The following STON2 variants were observed in gnomAD, a reference collection of about 807,000 sequenced individuals.
The protein encoded by STON2 is stonin-2.
In STON2, 29 loss-of-function variants were observed where a neutral mutation model predicts 65.7. That is an observed-to-expected ratio of 0.44 (90% confidence interval 0.33 to 0.60). The LOEUF is 0.60. STON2 is among the 20% of genes least tolerant of loss of function. The pLI is 0.03. For synonymous variants in STON2, 404 were observed against 414.2 expected (o/e 0.98, Z 0.30); for missense variants, 1,054 against 1,118.1 (o/e 0.94, Z 0.82).
At chr14:81,306,740 T>C (rs983190446) in intron 5 of STON2, 1 of 152,140 alleles carries the variant, frequency 6.6e-6, no homozygotes, top group Non-Finnish European at 1.5e-5. Flanking sequence ...GGCATTTTCA[T>C]CTCATTGGCT....
At chr14:81,303,932 G>GA (rs1896069391) in intron 5 of STON2, among the ~76,000 whole-genome samples, 1 of 152,266 alleles carries the variant, frequency 6.6e-6, no homozygotes, top group Admixed American at 6.5e-5. Context: ...CCCAGATCAA[G>GA]AAACAATTGC....
chr14:81,267,533 T>TA lies in STON2; in HGVS notation c.*880dup. On this transcript the variant is annotated 3_prime_UTR_variant, in exon 8 of 8. Coordinates refer to ENST00000614646, the MANE Select transcript of STON2 (RefSeq NM_001394390.1). ...TTACAAATGCCTCAGGTATTATGTA[T>TA]ATTTGTTTCAGGAATCAGAAGTGGA... 1 of 985,336 alleles carries TA rather than the reference T, an allele frequency of 1.0e-6. No homozygotes were observed. Among genetic ancestry groups the TA allele is most frequent in the South Asian group, 4.7e-5 (1 of 21,288 alleles). 61.0% of individuals were successfully genotyped at this position (985,336 alleles called of 1,614,324 possible). A position where few individuals can be genotyped will look rare whatever the true frequency, so the allele number is the denominator to read the frequency against.
At chr14:81,303,058 G>T (rs912021276) in intron 5 of STON2, among the ~76,000 whole-genome samples, 71 of 140,094 alleles carry the variant, frequency 5.1e-4, no homozygotes, top group Non-Finnish European at 1.0e-3. Flanking sequence ...CATGTGTGGG[G>T]GGTGTGTGTG....
chr14:81,326,873 G>C (rs1386402389), intron 4 of STON2, among the ~76,000 whole-genome samples: 2 of 152,230 alleles, frequency 1.3e-5, no homozygotes, highest in Non-Finnish European at 2.9e-5. Flanking sequence ...TGGGACCTTA[G>C]ATTGATTTGG....
chr14:81,277,186 T>C lies in STON2; in HGVS notation c.2296A>G (p.Met766Val). The C allele has an allele frequency of 6.2e-7, 1 of 1,614,168 alleles. No individual in the cohort carries two copies. The highest frequency in any genetic ancestry group is 1.1e-5 in the South Asian group (1 of 91,078). Residue 766 changes from methionine to valine, a missense_variant, in exon 6 of 8, where the codon ATG becomes GTG. By Grantham distance (21) the Met-to-Val change is conservative. Coordinates refer to ENST00000614646, the MANE Select transcript of STON2 (RefSeq NM_001394390.1). ...CGATTGGCGGAGAAGCCAGTTGACA[T>C]CCTCAGCCAGCTCTGCACCTCCACC... ...AEVEVQSWLR[M>V]STGFSANRDP...
chr14:81,365,640 C>A (rs1289915052), intron 4 of STON2, among the ~76,000 whole-genome samples: 2 of 152,070 alleles, frequency 1.3e-5, no homozygotes, highest in African/African-American at 4.8e-5. Context: ...CCTGTGGTCC[C>A]AGCTACTCAG....
chr14:81,397,549 A>G lies in STON2; in HGVS notation c.88+746T>C, dbSNP rs115002245. Reference sequence around the variant, plus strand: ...TAACCACATGGCCACCATATTGGAGAGCATACCTGTCGACTCACACTTTCT... The same window carrying G: ...TAACCACATGGCCACCATATTGGAGGGCATACCTGTCGACTCACACTTTCT... On this transcript the variant is annotated intron_variant, in intron 2 of 7. Coordinates refer to ENST00000614646, the MANE Select transcript of STON2 (RefSeq NM_001394390.1). Among the ~76,000 whole-genome samples the G allele has an allele frequency of 2.7e-3, 408 of 152,286 alleles. 2 individuals carry two copies. Among genetic ancestry groups the G allele is most frequent in the African/African-American group, 9.5e-3 (393 of 41,560 alleles).
At chr14:81,342,905 G>A (rs1191395844) in intron 4 of STON2, among the ~76,000 whole-genome samples, 3 of 152,122 alleles carry the variant, frequency 2.0e-5, no homozygotes, top group Non-Finnish European at 4.4e-5. Flanking sequence ...AGAGAAATCC[G>A]CACTGGAAAT....
At chr14:81,405,526 T>G (rs1900815084) in intron 2 of STON2, among the ~76,000 whole-genome samples, 1 of 142,362 alleles carries the variant, frequency 7.0e-6, no homozygotes, top group Non-Finnish European at 1.5e-5. Context: ...CCTAAGGTTT[T>G]TTTTTTTTTT....
intron 4 of STON2, among the ~76,000 whole-genome samples, chr14:81,344,062 C>T (rs2140299417): frequency 6.6e-6 from 1 of 152,184 alleles, no homozygotes; most frequent in East Asian, 1.9e-4. Context: ...ACGGAAAAGA[C>T]AGAAATATTT....
At chr14:81,275,701 T>C (rs1485028837) in intron 6 of STON2, among the ~76,000 whole-genome samples, 1 of 152,168 alleles carries the variant, frequency 6.6e-6, no homozygotes, top group Non-Finnish European at 1.5e-5. Context: ...AATTGTCTCT[T>C]CAGTTTGCAT....
intron 6 of STON2, among the ~76,000 whole-genome samples, chr14:81,274,353 G>A (rs982299960): frequency 5.9e-5 from 9 of 152,074 alleles, no homozygotes; most frequent in Non-Finnish European, 1.0e-4. Context: ...TTCCACAAAC[G>A]AGGTTCCAGC....
chr14:81,413,343 C>T, intron 2 of STON2: 1 of 900,052 alleles, frequency 1.1e-6, no homozygotes, highest in South Asian at 1.9e-5. Context: ...TAAGGGAACA[C>T]CTCGATGTTC....
At chr14:81,361,996 G>A (rs921708990) in intron 4 of STON2, among the ~76,000 whole-genome samples, 5 of 152,062 alleles carry the variant, frequency 3.3e-5, no homozygotes, top group East Asian at 1.9e-4. Flanking sequence ...TATAACTAGC[G>A]TTGGTGAGGA....
In STON2 at chr14:81,324,143, G is replaced by C. The variant is rs2140248690; in HGVS notation, c.616C>G (p.Pro206Ala). Among the ~76,000 whole-genome samples, 1 of 152,274 alleles carries C rather than the reference G, an allele frequency of 6.6e-6. No homozygotes were observed. The highest frequency in any genetic ancestry group is 2.1e-4 in the South Asian group (1 of 4,826). ...WQTGRQTAVS[P>A]VQACSEHTST... ...GTATGCTCCGAGCATGCTTGAACAGGACTCACTGCCGTCTGCCTGCCTGTC... is the reference window on the plus strand; with the variant it reads ...GTATGCTCCGAGCATGCTTGAACAGCACTCACTGCCGTCTGCCTGCCTGTC... The change falls in exon 5 of 8, where the codon CCT (proline) becomes GCT (alanine). Residue 206 changes from proline to alanine, a missense_variant. Physicochemically the swap from Pro to Ala is conservative, Grantham distance 27 (BLOSUM62 -1). Transcript: ENST00000614646.
chr14:81,282,776 C>A (rs1895177005), intron 5 of STON2, among the ~76,000 whole-genome samples: 1 of 152,014 alleles, frequency 6.6e-6, no homozygotes, highest in Admixed American at 6.6e-5. Context: ...AGAAAGGAAA[C>A]AAAGTGCTTA....
intron 5 of STON2, among the ~76,000 whole-genome samples, chr14:81,292,653 C>A (rs1895604030): frequency 6.6e-6 from 1 of 152,166 alleles, no homozygotes; most frequent in Non-Finnish European, 1.5e-5. Flanking sequence ...CCTCCCCAAC[C>A]CCGCAGAACT....
At chr14:81,325,507 A>C (rs1299058541) in intron 4 of STON2, among the ~76,000 whole-genome samples, 1 of 152,190 alleles carries the variant, frequency 6.6e-6, no homozygotes, top group Non-Finnish European at 1.5e-5. Context: ...TAAGGGCATA[A>C]AATAAAAAGT....
intron 5 of STON2, among the ~76,000 whole-genome samples, chr14:81,297,698 G>A (rs931217655): frequency 3.9e-5 from 6 of 152,280 alleles, no homozygotes; most frequent in African/African-American, 7.2e-5. Flanking sequence ...GTTTTGCTTC[G>A]TATAGTATAA....
Sources: gnomAD v4.1 joint callset for allele counts (sites outside exome capture counted in the v4.1 genomes callset) on GRCh38, gnomAD v4.1.1 for gene constraint, MANE v1.5 for transcripts, NCBI Gene and HGNC (gene_info 2026-07-23, HGNC 2026-07-21) for gene names.